The following RMND5A variants were observed in gnomAD, a reference collection of about 807,000 sequenced individuals.
RMND5A encodes required for meiotic nuclear division 5 homolog A, also known as E3 ubiquitin-protein transferase RMND5A.
In RMND5A, 17 loss-of-function variants were observed where a neutral mutation model predicts 49.7. The ratio of observed to expected loss-of-function variants is 0.34; its 90% CI spans 0.23 to 0.51. The LOEUF is 0.51. Ranked by LOEUF, RMND5A falls within the 20% of genes least tolerant of loss-of-function variation. The pLI is 0.96. For missense variants in RMND5A, 255 were observed against 471.3 expected (o/e 0.54, Z 4.25); for synonymous variants, 156 against 167.7 (o/e 0.93, Z 0.54).
At chr2:86,766,882 TTAAATCTTGACCTTTCAG>T (rs932982188) in intron 6 of RMND5A, among the ~76,000 whole-genome samples, 2 of 152,088 alleles carry the variant, frequency 1.3e-5, no homozygotes, top group Admixed American at 6.5e-5. Context: ...ATTAGTTTTA[TTAAATCTTGACCTTTCAG>T]TACACATCAT....
rs1464217393 is a variant in RMND5A at position 86,725,971 on chromosome 2, T to C, written c.142+5162T>C. 2.6e-5 allele frequency among the ~76,000 whole-genome samples: 2 copies of C among 76,162 alleles called. 1 individual carries two copies. The highest frequency in any genetic ancestry group is 5.3e-5 in the Non-Finnish European group (2 of 37,738). 50.0% of individuals were successfully genotyped at this position (76,162 alleles called of 152,430 possible). ...CTCTTTGGTGAATCAAAGAAACTGT[T>C]GAAACTTTGGTTACCAGTTGGAGAA... On this transcript the variant is annotated intron_variant, in intron 1 of 8. Coordinates refer to ENST00000283632, the MANE Select transcript of RMND5A (RefSeq NM_022780.4).
intron 2 of RMND5A, among the ~76,000 whole-genome samples, chr2:86,746,028 G>C (rs973126252): frequency 2.6e-5 from 4 of 152,112 alleles, no homozygotes; most frequent in Non-Finnish European, 5.9e-5. Flanking sequence ...ATCTACATTG[G>C]TGAGGCAAAA....
intron 4 of RMND5A, among the ~76,000 whole-genome samples, chr2:86,759,986 C>A (rs925684982): frequency 6.6e-6 from 1 of 152,102 alleles, no homozygotes; most frequent in African/African-American, 2.4e-5. Context: ...TCTGGAACTT[C>A]TTTGTCTTTA....
In RMND5A at chr2:86,764,751, C is replaced by A. The variant is rs186477344; in HGVS notation, c.522-276C>A. On this transcript the variant is annotated intron_variant, in intron 4 of 8. Transcript: ENST00000283632. ...GGCTGACACCGCTTCAAAGTGTGGT[C>A]CTATGCAAGTTCAGATGCATCATGT... Among the ~76,000 whole-genome samples, 9 of 152,268 alleles carry A rather than the reference C, an allele frequency of 5.9e-5. No homozygotes were observed. In the East Asian group the frequency reaches 1.7e-3, roughly 29 times the overall value.
At chr2:86,752,153 T>C (rs1170225928) in intron 3 of RMND5A, 123 bp downstream of exon 3, 1 of 857,694 alleles carries the variant, frequency 1.2e-6, no homozygotes, top group Non-Finnish European at 1.7e-6. Context: ...AATATTTAAA[T>C]TATCAGAGAT....
Position 86,776,202 on chromosome 2 carries a change from A to G in RMND5A, c.*2791A>G, listed in dbSNP as rs767503373. 9.2e-5 allele frequency: 14 copies of G among 152,202 alleles called. No individual in the cohort carries two copies. Among genetic ancestry groups the G allele is most frequent in the Non-Finnish European group, 1.8e-4 (12 of 68,028 alleles). The allele number at this position is 152,202 out of a possible 1,614,324, so 9.4% of individuals were successfully genotyped here. On this transcript the variant is annotated 3_prime_UTR_variant, in exon 9 of 9. Transcript: ENST00000283632. ...GTTCAAGTACAGTTTTACAGTGGCT[A>G]AGGTTGTCTCTTGATCTTTTTTCTC... is the stretch of plus-strand genomic sequence containing the variant.
At chr2:86,750,993 C>T (rs903262867) in intron 2 of RMND5A, among the ~76,000 whole-genome samples, 1 of 152,152 alleles carries the variant, frequency 6.6e-6, no homozygotes, top group African/African-American at 2.4e-5. Context: ...GTTCCAGCAT[C>T]TCTGTCATGT....
rs1195905613 is a variant in RMND5A at position 86,775,932 on chromosome 2, C to A, written c.*2521C>A. On this transcript the variant is annotated 3_prime_UTR_variant, in exon 9 of 9. Coordinates refer to ENST00000283632, the MANE Select transcript of RMND5A (RefSeq NM_022780.4). Reference sequence around the variant, plus strand: ...CTGATGCTTTCTGCATGTCAGCAGTCCAGGAGGATGCTTTTTGTCTCTCTT... The same window carrying A: ...CTGATGCTTTCTGCATGTCAGCAGTACAGGAGGATGCTTTTTGTCTCTCTT... The A allele has an allele frequency of 6.6e-6, 1 of 152,160 alleles. No individual in the cohort carries two copies. The highest frequency in any genetic ancestry group is 1.5e-5 in the Non-Finnish European group (1 of 68,040). The allele number at this position is 152,160 out of a possible 1,614,324, so 9.4% of individuals were successfully genotyped here. A position where few individuals can be genotyped will look rare whatever the true frequency, so the allele number is the denominator to read the frequency against.
chr2:86,764,843 C>G (rs1247250023), intron 4 of RMND5A, among the ~76,000 whole-genome samples, 184 bp from the exon 5 acceptor site: 1 of 152,196 alleles, frequency 6.6e-6, no homozygotes, highest in Non-Finnish European at 1.5e-5. Flanking sequence ...TGAAGGGCCT[C>G]TGCAAGTGTA....
chr2:86,771,468 A>G lies in RMND5A; in HGVS notation c.958-90A>G, dbSNP rs897878697. 2.5e-5 allele frequency: 28 copies of G among 1,128,092 alleles called. No individual in the cohort carries two copies. The Admixed American group carries it at 4.9e-4, about 20-fold the overall frequency. 69.9% of individuals were successfully genotyped at this position (1,128,092 alleles called of 1,614,324 possible). ...ACATTCAGGTGAATAGATCTGATCAATGTTCTTTGCTGCACAGTGTATATT... is the reference window on the plus strand; with the variant it reads ...ACATTCAGGTGAATAGATCTGATCAGTGTTCTTTGCTGCACAGTGTATATT... On this transcript the variant is annotated intron_variant, in intron 7 of 8. Coordinates refer to ENST00000283632, the MANE Select transcript of RMND5A (RefSeq NM_022780.4).
At chr2:86,753,223 G>A (rs1388412669) in intron 3 of RMND5A, among the ~76,000 whole-genome samples, 1 of 152,104 alleles carries the variant, frequency 6.6e-6, no homozygotes, top group Admixed American at 6.6e-5. Flanking sequence ...AGAACTTAAC[G>A]TCTTACAAAG....
intron 1 of RMND5A, among the ~76,000 whole-genome samples, chr2:86,721,802 T>G (rs2104380675): frequency 6.7e-6 from 1 of 149,490 alleles, no homozygotes; most frequent in Non-Finnish European, 1.5e-5. Flanking sequence ...GACGGTTTGG[T>G]AGCTGGGGGA....
chr2:86,746,545 A>T (rs1023985784), intron 2 of RMND5A, among the ~76,000 whole-genome samples: 2 of 152,362 alleles, frequency 1.3e-5, no homozygotes, highest in South Asian at 4.1e-4. Context: ...TTAGATTTGT[A>T]AGTAACCTGC....
At chr2:86,765,318 C>T in intron 5 of RMND5A, 125 bp downstream of exon 5, 1 of 841,740 alleles carries the variant, frequency 1.2e-6, no homozygotes, top group Non-Finnish European at 1.8e-6. Context: ...TAATCACTTA[C>T]AGGAAAAGTT....
chr2:86,729,368 A>G (rs1281360380), intron 1 of RMND5A, among the ~76,000 whole-genome samples: 1 of 151,496 alleles, frequency 6.6e-6, no homozygotes, highest in African/African-American at 2.4e-5. Flanking sequence ...ACTTTAGATC[A>G]CCTCATCAGT....
At chr2:86,741,778 T>C (rs1467247688) in intron 2 of RMND5A, among the ~76,000 whole-genome samples, 5 of 151,286 alleles carry the variant, frequency 3.3e-5, no homozygotes, top group Admixed American at 6.6e-5. Flanking sequence ...ACTTCAGACA[T>C]TGGGGAGATT....
chr2:86,773,275 T>C (rs1672712415), intron 8 of RMND5A, 73 bp from the exon 9 acceptor site: 1 of 799,094 alleles, frequency 1.3e-6, no homozygotes, highest in East Asian at 2.5e-5. Context: ...AAAGATACTC[T>C]ATAACTAGAT....
intron 4 of RMND5A, among the ~76,000 whole-genome samples, chr2:86,754,668 G>T (rs79154481): frequency 6.6e-6 from 1 of 151,632 alleles, no homozygotes; most frequent in Admixed American, 6.6e-5. Context: ...CCAACCTCCC[G>T]CCTTAGCCTC....
chr2:86,773,268 G>T, intron 8 of RMND5A, 80 bp from the exon 9 acceptor site: 1 of 739,604 alleles, frequency 1.4e-6, no homozygotes, highest in Non-Finnish European at 2.3e-6. Flanking sequence ...AATTGTTAAA[G>T]ATACTCTATA....
Sources: allele counts gnomAD v4.1 joint callset (sites outside exome capture counted in the v4.1 genomes callset), GRCh38; gene constraint gnomAD v4.1.1; transcripts MANE v1.5; gene names NCBI Gene and HGNC (gene_info 2026-07-23, HGNC 2026-07-21).